Variants in CHAF1A observed in about 807,000 individuals in gnomAD.
CHAF1A encodes the protein chromatin assembly factor 1 subunit A.
A neutral mutation model predicts 93.2 loss-of-function variants in CHAF1A; 5 were observed. The observed-to-expected ratio is 0.05, with a 90% CI of 0.03 to 0.11. The LOEUF (loss-of-function observed/expected upper bound fraction) is 0.11. Among genes scored for constraint, CHAF1A ranks in the 10% least tolerant of loss-of-function variants. The pLI, the probability that CHAF1A is intolerant of heterozygous loss-of-function variation, is 1.00. For synonymous variants in CHAF1A, 504 were observed against 510.3 expected (o/e 0.99, Z 0.17); for missense variants, 1,102 against 1,259.9 (o/e 0.87, Z 1.90).
Position 4,402,698 on chromosome 19 carries a change from A to G in CHAF1A, c.-65A>G. On this transcript the variant is annotated 5_prime_UTR_variant, in exon 1 of 15. Transcript: ENST00000301280. ...CGGCGCGGGCGGGAGGGCGAAGAGC[A>G]GCGGCCGCCTGAGGGGAGCCCGCGC... is the stretch of plus-strand genomic sequence containing the variant. The G allele has an allele frequency of 9.5e-7, 1 of 1,048,688 alleles. No homozygotes were observed. The highest frequency in any genetic ancestry group is 1.2e-6 in the Non-Finnish European group (1 of 831,740). The allele number at this position is 1,048,688 out of a possible 1,614,324, so 65.0% of individuals were successfully genotyped here.
intron 7 of CHAF1A, among the ~76,000 whole-genome samples, chr19:4,427,280 G>C (rs1974102891): frequency 6.8e-6 from 1 of 146,182 alleles, no homozygotes; most frequent in Non-Finnish European, 1.5e-5. Flanking sequence ...CTCCTGAGTA[G>C]CTGGGACTAC....
chr19:4,436,700 C>T (rs1042186536), intron 13 of CHAF1A, among the ~76,000 whole-genome samples: 2 of 152,190 alleles, frequency 1.3e-5, no homozygotes, highest in Non-Finnish European at 2.9e-5. Context: ...CCTCATGCTC[C>T]ACACAGTAGT....
chr19:4,437,779 G>T (rs549742076), intron 13 of CHAF1A, among the ~76,000 whole-genome samples: 1 of 150,780 alleles, frequency 6.6e-6, no homozygotes, highest in African/African-American at 2.4e-5. Context: ...TCGCTCTGTC[G>T]CCCAGGCTGG....
rs1974006926 is a variant in CHAF1A at position 4,422,447 on chromosome 19, C to G, written c.1018-119C>G. ...TACAGGCGTGAGCCACCATGCCTAG[C>G]CTTGGTCCCTCAATTCTGTTCATCC... On this transcript the variant is annotated intron_variant, in intron 4 of 14. Transcript: ENST00000301280. The surrounding 1 kb of genome is among the most constrained non-coding windows in gnomAD (Gnocchi z 4.6). 1.1e-6 allele frequency: 1 copy of G among 876,788 alleles called. No individual in the cohort carries two copies. Among genetic ancestry groups the G allele is most frequent in the Non-Finnish European group, 1.8e-6 (1 of 563,696 alleles). 54.3% of individuals were successfully genotyped at this position (876,788 alleles called of 1,614,324 possible). A position where few individuals can be genotyped will look rare whatever the true frequency, so the allele number is the denominator to read the frequency against.
At position 4,408,892 on chromosome 19, in the gene CHAF1A, CTT is replaced by C. The variant is rs2145068234; in HGVS notation, c.104-9_104-8del. 1 of 1,587,222 alleles carries C rather than the reference CTT, an allele frequency of 6.3e-7. No homozygotes were observed. Among genetic ancestry groups the C allele is most frequent in the Non-Finnish European group, 8.5e-7 (1 of 1,170,440 alleles). On this transcript the variant is annotated splice_polypyrimidine_tract_variant and intron_variant, in intron 2 of 14. Transcript: ENST00000301280. Reference sequence around the variant, plus strand: ...ACGTTCACTAGAGATGGCTTTCTGTCTTTGTTTCAGCCCGTCTGCCGTTTAAG... The same window carrying C: ...ACGTTCACTAGAGATGGCTTTCTGTCTGTTTCAGCCCGTCTGCCGTTTAAG...
At chr19:4,432,424 C>T (rs1476392946) in intron 12 of CHAF1A, among the ~76,000 whole-genome samples, 1 of 152,090 alleles carries the variant, frequency 6.6e-6, no homozygotes, top group Non-Finnish European at 1.5e-5. Flanking sequence ...TCAACCAGGA[C>T]ACAGGCACAG....
chr19:4,441,211 G>C (rs945997011), intron 13 of CHAF1A, among the ~76,000 whole-genome samples: 4 of 152,174 alleles, frequency 2.6e-5, no homozygotes, highest in African/African-American at 7.2e-5. Flanking sequence ...CAGCTACTCA[G>C]GAGGCCGAGG....
In CHAF1A at chr19:4,409,420, C is replaced by T; in HGVS notation, c.621C>T (p.Cys207=). The T allele has an allele frequency of 6.2e-7, 1 of 1,614,074 alleles. No homozygotes were observed. Among genetic ancestry groups the T allele is most frequent in the African/African-American group, 1.3e-5 (1 of 75,006 alleles). Reference sequence around the variant, plus strand: ...CCCAGGAATGTTCGCCACGGAGCTGCCCGGAGCTGACGAGTGGCCCGAGAA... The same window carrying T: ...CCCAGGAATGTTCGCCACGGAGCTGTCCGGAGCTGACGAGTGGCCCGAGAA... ...GDSQECSPRS[C]PELTSGPRMC... Residue 207 remains cysteine (C), a synonymous_variant, in exon 3 of 15, where the codon TGC becomes TGT. Transcript: ENST00000301280.
At chr19:4,447,475 G>A (rs1450453959), downstream of CHAF1A, 1 of 1,540,152 alleles carries the variant, frequency 6.5e-7, no homozygotes, top group African/African-American at 1.4e-5. Context: ...CGCCTGGTGT[G>A]GGCCACCACC....
At chr19:4,427,879 C>T (rs190647156) in intron 7 of CHAF1A, among the ~76,000 whole-genome samples, 171 of 152,268 alleles carry the variant, frequency 1.1e-3, no homozygotes, top group African/African-American at 3.6e-3. Flanking sequence ...TGAGCCACCG[C>T]GCCTGGCCTA....
intron 6 of CHAF1A, among the ~76,000 whole-genome samples, chr19:4,423,602 G>A (rs535537821): frequency 6.0e-4 from 91 of 152,314 alleles, no homozygotes; most frequent in African/African-American, 2.1e-3. Flanking sequence ...CTGCAATCCT[G>A]GCACTTCTAC....
Position 4,429,485 on chromosome 19 carries a change from G to A in CHAF1A, c.1652G>A (p.Arg551Lys). Residue 551 changes from arginine (R) to lysine (K), a missense_variant, in exon 9 of 15, where the codon AGG (arginine) becomes AAG (lysine). Coordinates refer to ENST00000301280, the MANE Select transcript of CHAF1A (RefSeq NM_005483.3). Reference protein sequence around the residue: ...ERGKGDGVPERRKFGRMKLLQ... With the variant: ...ERGKGDGVPEKRKFGRMKLLQ... ...GGGAAGGGCGACGGTGTTCCCGAGA[G>A]GAGGAAGTTTGGCAGGATGAAGCTC... 1.2e-6 allele frequency: 2 copies of A among 1,614,076 alleles called. No homozygotes were observed. Among genetic ancestry groups the A allele is most frequent in the South Asian group, 1.1e-5 (1 of 91,068 alleles).
intron 3 of CHAF1A, among the ~76,000 whole-genome samples, chr19:4,416,153 G>A (rs1324779381): frequency 3.3e-5 from 5 of 151,818 alleles, no homozygotes; most frequent in South Asian, 2.1e-4. Context: ...CAGCCTGGGC[G>A]ACAGAGCGAG....
At chr19:4,431,252 C>T (rs1974177757) in intron 11 of CHAF1A, 2 of 153,274 alleles carry the variant, frequency 1.3e-5, no homozygotes, top group Non-Finnish European at 2.9e-5. Context: ...CCTCGGCCTC[C>T]CAAGTAGCTG....
chr19:4,430,450 T>G, intron 10 of CHAF1A, 99 bp from the exon 11 acceptor site: 2 of 761,526 alleles, frequency 2.6e-6, no homozygotes, highest in Non-Finnish European at 4.6e-6. Flanking sequence ...AGTGCTGGGA[T>G]TAGAGGTGTG....
rs774030161 is a variant in CHAF1A, at chr19:4,428,672, C to T, written c.1386C>T (p.Ala462=). Reference sequence around the variant, plus strand: ...TCTCTTCTTGATTTCAGACCCTGGCCGGCTCCTGTGGGAAGTTTGCCCCCT... The same window carrying T: ...TCTCTTCTTGATTTCAGACCCTGGCTGGCTCCTGTGGGAAGTTTGCCCCCT... ...PKTPQAPKTL[A]GSCGKFAPFE... The change falls in exon 8 of 15, where the codon GCC becomes GCT. Residue 462 remains alanine (A), a synonymous_variant. Transcript: ENST00000301280. The T allele has an allele frequency of 8.7e-6, 14 of 1,613,892 alleles. No individual in the cohort carries two copies. The South Asian group carries it at 8.8e-5, about 10-fold the overall frequency.
intron 13 of CHAF1A, among the ~76,000 whole-genome samples, chr19:4,435,087 CTTTTTTTTTTTTTT>C (rs869255408): frequency 4.5e-5 from 4 of 87,966 alleles, no homozygotes; most frequent in Non-Finnish European, 8.2e-5. Flanking sequence ...CTTTTTTTTC[CTTTTTTTTTTTTTT>C]TTTTTTTTTG....
intron 3 of CHAF1A, among the ~76,000 whole-genome samples, chr19:4,414,797 G>A (rs886944708): frequency 2.0e-5 from 3 of 152,180 alleles, no homozygotes; most frequent in Non-Finnish European, 4.4e-5. Context: ...GGAGAATGAG[G>A]TCTTGGTAGC....
At chr19:4,432,323 A>G in intron 12 of CHAF1A, 116 bp downstream of exon 12, 1 of 1,209,092 alleles carries the variant, frequency 8.3e-7, no homozygotes, top group Admixed American at 2.8e-5. Flanking sequence ...TCCACAAATA[A>G]CAGAGGCCAG....
Sources: gnomAD v4.1 joint callset for allele counts (sites outside exome capture counted in the v4.1 genomes callset) on GRCh38, gnomAD v4.1.1 for gene constraint, Gnocchi (gnomAD v3.1) non-coding constraint, MANE v1.5 for transcripts, NCBI Gene and HGNC (gene_info 2026-07-23, HGNC 2026-07-21) for gene names.